The following VPS35L variants were observed in gnomAD, a reference collection of about 807,000 sequenced individuals.
VPS35L encodes the protein VPS35 endosomal protein sorting factor like.
A neutral mutation model predicts 133.0 loss-of-function variants in VPS35L; 83 were observed. The observed-to-expected ratio is 0.62, with a 90% confidence interval of 0.52 to 0.75. The LOEUF (loss-of-function observed/expected upper bound fraction) is 0.75. Among genes scored for constraint, VPS35L ranks in the 30% least tolerant of loss-of-function variants. The pLI is 0.00. For missense variants in VPS35L, 1,083 were observed against 1,206.8 expected (o/e 0.90, Z 1.52); for synonymous variants, 423 against 449.9 (o/e 0.94, Z 0.76).
At chr16:19,693,725 C>T (rs1175624236) in intron 29 of VPS35L, among the ~76,000 whole-genome samples, 3 of 151,334 alleles carry the variant, frequency 2.0e-5, no homozygotes, top group Non-Finnish European at 4.4e-5. Flanking sequence ...CGGAGGTTGC[C>T]GTGAGCCCAG....
In VPS35L at chr16:19,642,524, C is replaced by A; in HGVS notation, c.1865+48C>A. 3 of 1,488,330 alleles carry A rather than the reference C, an allele frequency of 2.0e-6. No individual in the cohort carries two copies. The South Asian group carries it at 3.5e-5, about 17-fold the overall frequency. 92.2% of individuals were successfully genotyped at this position (1,488,330 alleles called of 1,614,324 possible). A position where few individuals can be genotyped will look rare whatever the true frequency, so the allele number is the denominator to read the frequency against. The stretch of plus-strand genomic sequence containing the variant: ...ATATAACATGGATTGGGTCTTAATG[C>A]CACCTAATAGGACATTAGGGAATGA... On this transcript the variant is annotated intron_variant, in intron 22 of 30. Transcript: ENST00000417362.
At chr16:19,627,558 T>C in intron 15 of VPS35L, 136 bp from the exon 16 acceptor site, 1 of 665,588 alleles carries the variant, frequency 1.5e-6, no homozygotes, top group Middle Eastern at 3.2e-4. Flanking sequence ...TTTACCTTTT[T>C]ACTCTGATTT....
intron 3 of VPS35L, 118 bp from the exon 4 acceptor site, chr16:19,573,001 C>A: frequency 3.3e-6 from 4 of 1,217,290 alleles, no homozygotes; most frequent in Non-Finnish European, 4.4e-6. Flanking sequence ...GATAGTAAAC[C>A]TTGAGACAAA....
At chr16:19,596,656 A>C (rs1972225717) in intron 8 of VPS35L, among the ~76,000 whole-genome samples, 1 of 152,036 alleles carries the variant, frequency 6.6e-6, no homozygotes, top group Non-Finnish European at 1.5e-5. Flanking sequence ...GAAGCAACTC[A>C]AGTGGCCATC....
At chr16:19,635,930 T>A (rs1389466744) in intron 19 of VPS35L, among the ~76,000 whole-genome samples, 2 of 152,198 alleles carry the variant, frequency 1.3e-5, no homozygotes, top group Non-Finnish European at 2.9e-5. Flanking sequence ...ACGCTTGTAA[T>A]CCCATCACTT....
At chr16:19,610,274 C>T (rs750441319) in intron 11 of VPS35L, 48 bp from the exon 12 acceptor site, 13 of 1,466,936 alleles carry the variant, frequency 8.9e-6, no homozygotes, top group African/African-American at 1.4e-5. Context: ...TAAAGAACAG[C>T]GAGTTCTCAC....
At chr16:19,579,299 G>T in intron 6 of VPS35L, 171 bp downstream of exon 6, 2 of 593,570 alleles carry the variant, frequency 3.4e-6, no homozygotes, top group South Asian at 2.3e-5. Flanking sequence ...GCAGTTGGCC[G>T]AGCTCACGGA....
intron 18 of VPS35L, among the ~76,000 whole-genome samples, chr16:19,630,580 C>G (rs916365048): frequency 1.3e-5 from 2 of 151,944 alleles, no homozygotes; most frequent in Non-Finnish European, 2.9e-5. Flanking sequence ...GCAATCAGCC[C>G]GCCTCTGCCT....
chr16:19,570,803 A>T (rs1200121380), intron 3 of VPS35L, among the ~76,000 whole-genome samples: 1 of 140,936 alleles, frequency 7.1e-6, no homozygotes, highest in African/African-American at 2.5e-5. Flanking sequence ...TTCAGAATAC[A>T]TGCTCTCGAT....
intron 18 of VPS35L, among the ~76,000 whole-genome samples, chr16:19,630,996 G>A (rs1334087440): frequency 4.0e-5 from 6 of 151,866 alleles, no homozygotes; most frequent in African/African-American, 1.5e-4. Context: ...GCGACAGAGT[G>A]AGACTCTGTC....
chr16:19,595,935 G>A (rs957026683), intron 8 of VPS35L, among the ~76,000 whole-genome samples: 4 of 152,214 alleles, frequency 2.6e-5, no homozygotes, highest in African/African-American at 9.7e-5. Flanking sequence ...CACAAGGTCA[G>A]GAGTTCAAGA....
intron 27 of VPS35L, among the ~76,000 whole-genome samples, chr16:19,674,174 TTTTC>T (rs1432483108): frequency 1.4e-5 from 2 of 139,556 alleles, no homozygotes; most frequent in Non-Finnish European, 1.5e-5. Flanking sequence ...GGTTCAGTTT[TTTTC>T]TTTTTCTTTT....
At chr16:19,690,781 T>C (rs1324271270) in intron 28 of VPS35L, among the ~76,000 whole-genome samples, 1 of 152,020 alleles carries the variant, frequency 6.6e-6, no homozygotes, top group African/African-American at 2.4e-5. Flanking sequence ...TGAAACCCCA[T>C]CTCTATTAAA....
chr16:19,695,007 G>GAA (rs556649295), intron 29 of VPS35L, among the ~76,000 whole-genome samples: 83 of 130,360 alleles, frequency 6.4e-4, no homozygotes, highest in East Asian at 1.1e-3. Flanking sequence ...CTCTGTTTCA[G>GAA]AAAAAAAAAA....
chr16:19,570,846 T>TC (rs1971344259), intron 3 of VPS35L, among the ~76,000 whole-genome samples: 5 of 8,942 alleles, frequency 5.6e-4, no homozygotes, highest in Admixed American at 3.6e-3. Flanking sequence ...TATATATATA[T>TC]ATATATATAT....
chr16:19,613,442 T>C (rs1972789554), intron 12 of VPS35L, among the ~76,000 whole-genome samples: 1 of 152,252 alleles, frequency 6.6e-6, no homozygotes, highest in Non-Finnish European at 1.5e-5. Flanking sequence ...AGTGCAGGCA[T>C]GGCTGGATGC....
chr16:19,586,515 T>G (rs1409602889), intron 7 of VPS35L, among the ~76,000 whole-genome samples: 1 of 152,046 alleles, frequency 6.6e-6, no homozygotes, highest in Non-Finnish European at 1.5e-5. Flanking sequence ...AATTTTTGTA[T>G]TTTTAGTAGA....
At chr16:19,582,834 C>T (rs923317147) in intron 7 of VPS35L, among the ~76,000 whole-genome samples, 4 of 152,102 alleles carry the variant, frequency 2.6e-5, no homozygotes, top group African/African-American at 2.4e-5. Context: ...CTAATAGTAA[C>T]GATTCAACAA....
chr16:19,630,326 G>GTTTTTTTTTTTTTTTTTTTTTTTTTTTTT (rs201807727), intron 18 of VPS35L, among the ~76,000 whole-genome samples: 1 of 106,516 alleles, frequency 9.4e-6, no homozygotes. Context: ...AGTCCTAAAA[G>GTTTTTTTTTTTTTTTTTTTTTTTTTTTTT]TTTTTTTTTT....
Sources: gnomAD v4.1 joint callset for allele counts (sites outside exome capture counted in the v4.1 genomes callset) on GRCh38, gnomAD v4.1.1 for gene constraint, MANE v1.5 for transcripts, NCBI Gene and HGNC (gene_info 2026-07-23, HGNC 2026-07-21) for gene names.